The following INPP5D variants were observed in gnomAD, a reference collection of about 807,000 sequenced individuals.
INPP5D encodes the protein inositol polyphosphate-5-phosphatase D.
INPP5D carries 33 observed loss-of-function variants against 122.9 expected under a neutral mutation model. The observed-to-expected ratio is 0.27, with a 90% CI of 0.20 to 0.36. INPP5D has a LOEUF of 0.36. Ranked by LOEUF, INPP5D falls within the 10% of genes least tolerant of loss-of-function variation. INPP5D has a pLI of 1.00. For synonymous variants in INPP5D, 584 were observed against 576.2 expected (o/e 1.01, Z -0.19); for missense variants, 1,053 against 1,412.7 (o/e 0.75, Z 4.08).
Position 233,100,491 on chromosome 2 carries a change from C to A in INPP5D, c.198+21093C>A, listed in dbSNP as rs1692278923. Among the ~76,000 whole-genome samples, 1 of 152,172 alleles carries A rather than the reference C, an allele frequency of 6.6e-6. No individual in the cohort carries two copies. Among genetic ancestry groups the A allele is most frequent in the Non-Finnish European group, 1.5e-5 (1 of 68,030 alleles). On this transcript the variant is annotated intron_variant, in intron 2 of 26. Transcript: ENST00000445964. The surrounding 1 kb of genome is among the most constrained non-coding windows in gnomAD (Gnocchi z 5.3). Reference sequence around the variant, plus strand: ...CACTACACTGTAAACTCCAAAACAGCCCACGTTACTCCCGGTGACAATCAG... The same window carrying A: ...CACTACACTGTAAACTCCAAAACAGACCACGTTACTCCCGGTGACAATCAG...
In INPP5D at chr2:233,189,884, T is replaced by C; in HGVS notation, c.2393T>C (p.Leu798Pro). The change falls in exon 22 of 27, where the codon CTA (leucine) becomes CCA (proline). Residue 798 changes from leucine to proline, a missense_variant. Physicochemically the swap from Leu to Pro is moderately conservative, Grantham distance 98. Coordinates refer to ENST00000445964, the MANE Select transcript of INPP5D (RefSeq NM_001017915.3). This position sits in a 1 kb window ranked among gnomAD's most constrained non-coding sequence, Gnocchi z 5.6. Reference sequence around the variant, plus strand: ...ATTATCTCTGACCCTGAGTACCTGCTAGACCAGCACATCCTCATCAGCATC... The same window carrying C: ...ATTATCTCTGACCCTGAGTACCTGCCAGACCAGCACATCCTCATCAGCATC... ...KPIISDPEYL[L>P]DQHILISIKS... 6.2e-7 allele frequency: 1 copy of C among 1,613,640 alleles called. No individual in the cohort carries two copies. Among genetic ancestry groups the C allele is most frequent in the South Asian group, 1.1e-5 (1 of 91,046 alleles).
intron 5 of INPP5D, among the ~76,000 whole-genome samples, chr2:233,132,088 T>G (rs1183871080): frequency 6.6e-6 from 1 of 152,192 alleles, no homozygotes; most frequent in East Asian, 1.9e-4. Flanking sequence ...TTTTATAGAT[T>G]CCCATGGAGG....
At position 233,066,632 on chromosome 2, in the gene INPP5D, AGTCTTG is replaced by A. The variant is rs1263416680; in HGVS notation, c.134+6021_134+6026del. Among the ~76,000 whole-genome samples, 27 of 151,168 alleles carry A rather than the reference AGTCTTG, an allele frequency of 1.8e-4. No homozygotes were observed. In the South Asian group the frequency reaches 2.1e-3, roughly 12 times the overall value. ...TCTTAATTTTCTTTTTTTCCAAGAC[AGTCTTG>A]CTCTGTTGCCCAGGCTGGAGTGCAG... On this transcript the variant is annotated intron_variant, in intron 1 of 26. Transcript: ENST00000445964.
intron 11 of INPP5D, among the ~76,000 whole-genome samples, chr2:233,162,439 T>C (rs1694222360): frequency 6.6e-6 from 1 of 151,334 alleles, no homozygotes; most frequent in Admixed American, 6.6e-5. Flanking sequence ...TTATACTAAG[T>C]AATATTAGTT....
intron 2 of INPP5D, among the ~76,000 whole-genome samples, chr2:233,087,288 G>T (rs1381582299): frequency 2.0e-5 from 3 of 151,830 alleles, no homozygotes; most frequent in African/African-American, 7.3e-5. Flanking sequence ...TTTCTTTGTG[G>T]CACTTGTGAC....
rs1695500816 is a variant in INPP5D at position 233,206,257 on chromosome 2, T to G, written c.3568-449T>G. On this transcript the variant is annotated intron_variant, in intron 26 of 26. Coordinates refer to ENST00000445964, the MANE Select transcript of INPP5D (RefSeq NM_001017915.3). This position sits in a 1 kb window ranked among gnomAD's most constrained non-coding sequence, Gnocchi z 4.0. ...TATGTATTATTACCATGTATTATCA[T>G]CTATATAGAAATTATATATTTATAT... Among the ~76,000 whole-genome samples, 1 of 151,980 alleles carries G rather than the reference T, an allele frequency of 6.6e-6. No individual in the cohort carries two copies. The highest frequency in any genetic ancestry group is 1.5e-5 in the Non-Finnish European group (1 of 68,002).
chr2:233,112,390 G>C (rs1692658265), intron 2 of INPP5D, among the ~76,000 whole-genome samples: 1 of 152,188 alleles, frequency 6.6e-6, no homozygotes, highest in Non-Finnish European at 1.5e-5. Context: ...CCTGGCTCCT[G>C]TATCTGTTTG....
rs780057271 is a variant in INPP5D, at chr2:233,163,897, T to G, written c.1431T>G (p.Phe477Leu). ...TGCAAGAAATCACCAGTGTGACTTT[T>G]AAAACAGTGAGCAGCTGGCTGCACG... ...HSLQEITSVTFKTVAIHTLWN... is the reference protein window; with the variant it reads ...HSLQEITSVTLKTVAIHTLWN... The change falls in exon 12 of 27, where the codon TTT (phenylalanine) becomes TTG (leucine). Residue 477 changes from phenylalanine to leucine, a missense_variant. By Grantham distance (22) the Phe-to-Leu change is conservative. Coordinates refer to ENST00000445964, the MANE Select transcript of INPP5D (RefSeq NM_001017915.3). The G allele has an allele frequency of 6.2e-7, 1 of 1,613,710 alleles. No individual in the cohort carries two copies. Among genetic ancestry groups the G allele is most frequent in the Non-Finnish European group, 8.5e-7 (1 of 1,179,716 alleles).
chr2:233,184,413 G>T lies in INPP5D; in HGVS notation c.2167G>T (p.Gly723Trp), dbSNP rs1479427758. 1 of 1,613,908 alleles carries T rather than the reference G, an allele frequency of 6.2e-7. No homozygotes were observed. Among genetic ancestry groups the T allele is most frequent in the East Asian group, 2.2e-5 (1 of 44,870 alleles). Residue 723 changes from glycine to tryptophan, a missense_variant, in exon 20 of 27, where the codon GGG (glycine) becomes TGG (tryptophan). Around this residue, in one of 6 missense-constraint regions of INPP5D, gnomAD observed 258 missense variants for 439.1 expected, o/e 0.59. Coordinates refer to ENST00000445964, the MANE Select transcript of INPP5D (RefSeq NM_001017915.3). Reference sequence around the variant, plus strand: ...CGTGTTCTCCCCTGTTCCAGGTCCCGGGACTGTTGACAGCCAAGGACAGAT... The same window carrying T: ...CGTGTTCTCCCCTGTTCCAGGTCCCTGGACTGTTGACAGCCAAGGACAGAT... ...TSQFVSKNGPGTVDSQGQIEF... is the reference protein window; with the variant it reads ...TSQFVSKNGPWTVDSQGQIEF...
Position 233,206,933 on chromosome 2 carries a change from A to G in INPP5D, c.*225A>G, listed in dbSNP as rs1695521971. The G allele has an allele frequency of 1.1e-5, 6 of 536,258 alleles. No homozygotes were observed. The highest frequency in any genetic ancestry group is 1.7e-5 in the Non-Finnish European group (5 of 297,546). 33.2% of individuals were successfully genotyped at this position (536,258 alleles called of 1,614,324 possible). On this transcript the variant is annotated 3_prime_UTR_variant, in exon 27 of 27. Transcript: ENST00000445964. This position sits in a 1 kb window ranked among gnomAD's most constrained non-coding sequence, Gnocchi z 4.0. ...GAAAAACGCACACCAGACGGGCAAC[A>G]AACAGTCTGGGTCCCCAGCTCGCTC...
chr2:233,142,913 A>T (rs994368762), intron 6 of INPP5D, among the ~76,000 whole-genome samples: 3 of 152,072 alleles, frequency 2.0e-5, no homozygotes, highest in African/African-American at 7.2e-5. Flanking sequence ...AGTCCTCCAC[A>T]TCCTGGCCTC....
chr2:233,093,555 C>G (rs1357048477), intron 2 of INPP5D, among the ~76,000 whole-genome samples: 5 of 151,246 alleles, frequency 3.3e-5, no homozygotes, highest in African/African-American at 1.2e-4. Context: ...GGCGAGTTGC[C>G]TATAATCCCA....
Position 233,105,966 on chromosome 2 carries a change from C to T in INPP5D, c.199-16141C>T, listed in dbSNP as rs562665166. Among the ~76,000 whole-genome samples, 106 of 152,252 alleles carry T rather than the reference C, an allele frequency of 7.0e-4. 1 individual carries two copies. The South Asian group carries it at 0.017, about 25-fold the overall frequency. On this transcript the variant is annotated intron_variant, in intron 2 of 26. Transcript: ENST00000445964. The surrounding 1 kb of genome is among the most constrained non-coding windows in gnomAD (Gnocchi z 4.0). ...ATGGGAATGAGCATGTGGAACTTGA[C>T]GATTTGTCCCTATTGGCAGATACTG...
chr2:233,195,574 C>T lies in INPP5D; in HGVS notation c.2693+79C>T, dbSNP rs369804739. ...CAAATTAGCATGGTTTGGCCGGGTG[C>T]GATGGTTCACGCCCATAATCCCGGC... On this transcript the variant is annotated intron_variant, in intron 24 of 26. Coordinates refer to ENST00000445964, the MANE Select transcript of INPP5D (RefSeq NM_001017915.3). The T allele has an allele frequency of 2.5e-4, 395 of 1,590,454 alleles. 8 individuals are homozygous for T. The East Asian group carries it at 7.0e-3, about 28-fold the overall frequency.
intron 2 of INPP5D, among the ~76,000 whole-genome samples, chr2:233,084,462 A>T (rs1691778416): frequency 1.3e-5 from 2 of 152,324 alleles, no homozygotes; most frequent in South Asian, 4.1e-4. Context: ...CAGTGGTCTG[A>T]GCCATTCCGG....
intron 9 of INPP5D, among the ~76,000 whole-genome samples, chr2:233,150,472 A>G (rs1422644386): frequency 6.6e-6 from 1 of 152,222 alleles, no homozygotes; most frequent in South Asian, 2.1e-4. Flanking sequence ...TGTCTTTATT[A>G]GCAGCGTGAG....
chr2:233,068,509 T>C (rs1413156090), intron 1 of INPP5D, among the ~76,000 whole-genome samples: 1 of 151,834 alleles, frequency 6.6e-6, no homozygotes, highest in South Asian at 2.1e-4. Context: ...GCAGGAGAAT[T>C]GCTTGAACCC....
intron 2 of INPP5D, among the ~76,000 whole-genome samples, chr2:233,116,814 CTT>C (rs1462692427): frequency 6.6e-6 from 1 of 151,984 alleles, no homozygotes; most frequent in Non-Finnish European, 1.5e-5. Flanking sequence ...CCAAGCTAGT[CTT>C]GAACTGCTGA....
chr2:233,087,888 C>G (rs79635460), intron 2 of INPP5D, among the ~76,000 whole-genome samples: 1,590 of 152,294 alleles, frequency 0.01, 32 homozygotes, highest in African/African-American at 0.035. Context: ...TCAACTTCCT[C>G]TGCATTCGAG....
Sources: allele counts gnomAD v4.1 joint callset (sites outside exome capture counted in the v4.1 genomes callset), GRCh38; gene constraint gnomAD v4.1.1; regional missense constraint gnomAD v4.1.1; non-coding constraint Gnocchi (gnomAD v3.1); transcripts MANE v1.5; gene names NCBI Gene and HGNC (gene_info 2026-07-23, HGNC 2026-07-21).